Variants in INPP4B observed in about 807,000 individuals in gnomAD.
The protein encoded by INPP4B is inositol polyphosphate 4-phosphatase type II.
A neutral mutation model predicts 122.5 loss-of-function variants in INPP4B; 55 were observed. The ratio of observed to expected loss-of-function variants is 0.45; its 90% CI spans 0.36 to 0.56. INPP4B has a LOEUF of 0.56. Ranked by LOEUF, INPP4B falls within the 20% of genes least tolerant of loss-of-function variation. The pLI, the probability that INPP4B is intolerant of heterozygous loss-of-function variation, is 0.00. For synonymous variants in INPP4B, 403 were observed against 388.7 expected (o/e 1.04, Z -0.43); for missense variants, 1,000 against 1,097.7 (o/e 0.91, Z 1.26).
At chr4:142,251,845 C>A (rs1299425296) in intron 11 of INPP4B, among the ~76,000 whole-genome samples, 1 of 152,170 alleles carries the variant, frequency 6.6e-6, no homozygotes, top group Non-Finnish European at 1.5e-5. Context: ...TTGTAAGCTG[C>A]TGAAGTTGTG....
At chr4:142,097,227 T>TTATG (rs1396314621) in intron 23 of INPP4B, among the ~76,000 whole-genome samples, 1 of 135,130 alleles carries the variant, frequency 7.4e-6, no homozygotes, top group Non-Finnish European at 1.6e-5. Flanking sequence ...TTATGTTATT[T>TTATG]TTATTTTATT....
chr4:142,243,507 C>A (rs1015684439), intron 11 of INPP4B, among the ~76,000 whole-genome samples: 3 of 152,296 alleles, frequency 2.0e-5, no homozygotes, highest in Middle Eastern at 3.4e-3. Flanking sequence ...TGAAAAGGAT[C>A]AAGGGCCAAT....
intron 2 of INPP4B, chr4:142,519,018 A>G (rs1360562881): frequency 6.6e-6 from 1 of 152,178 alleles, no homozygotes; most frequent in East Asian, 1.9e-4. Context: ...AAAGCAATAG[A>G]TAATTAAGAC....
intron 2 of INPP4B, among the ~76,000 whole-genome samples, chr4:142,668,941 G>T (rs1756568264): frequency 6.6e-6 from 1 of 152,044 alleles, no homozygotes; most frequent in Non-Finnish European, 1.5e-5. Flanking sequence ...TGTAGTCCCA[G>T]CTACTCAGGA....
chr4:142,706,141 A>G (rs765635612), intron 2 of INPP4B, among the ~76,000 whole-genome samples: 5 of 152,150 alleles, frequency 3.3e-5, no homozygotes, highest in Non-Finnish European at 7.3e-5. Context: ...AAACTTTGCA[A>G]ATGCAATTAT....
chr4:142,284,168 C>A (rs964603911), intron 9 of INPP4B, among the ~76,000 whole-genome samples: 3 of 151,854 alleles, frequency 2.0e-5, no homozygotes. Flanking sequence ...AGGAGGGAGG[C>A]AAAGTAGACA....
intron 2 of INPP4B, among the ~76,000 whole-genome samples, chr4:142,660,209 C>G (rs1357468110): frequency 2.0e-5 from 3 of 152,128 alleles, no homozygotes; most frequent in Non-Finnish European, 2.9e-5. Flanking sequence ...TTCATGGGTA[C>G]AAGCTGCTTT....
At chr4:142,118,212 T>C (rs139476616) in intron 21 of INPP4B, among the ~76,000 whole-genome samples, 20,483 of 152,160 alleles carry the variant, frequency 0.13, 1,559 homozygotes, top group East Asian at 0.24. Flanking sequence ...AAAATGGCCA[T>C]ACTGCCCAAG....
intron 2 of INPP4B, among the ~76,000 whole-genome samples, chr4:142,615,780 T>C (rs1034931696): frequency 6.6e-6 from 1 of 152,082 alleles, no homozygotes; most frequent in African/African-American, 2.4e-5. Context: ...CTTCAGTCAG[T>C]GGGGGACTTA....
chr4:142,275,707 C>G (rs1748054875), intron 9 of INPP4B, among the ~76,000 whole-genome samples: 1 of 151,768 alleles, frequency 6.6e-6, no homozygotes, highest in Non-Finnish European at 1.5e-5. Context: ...CCATATAATG[C>G]TTTCAAATTA....
At chr4:142,260,241 C>T (rs758584539) in intron 11 of INPP4B, among the ~76,000 whole-genome samples, 31 of 152,128 alleles carry the variant, frequency 2.0e-4, no homozygotes, top group Non-Finnish European at 4.4e-4. Flanking sequence ...GCCTCGGCCT[C>T]CCAAAGTGCT....
intron 15 of INPP4B, among the ~76,000 whole-genome samples, chr4:142,191,757 T>C (rs1835927152): frequency 6.6e-6 from 1 of 152,070 alleles, no homozygotes; most frequent in Non-Finnish European, 1.5e-5. Context: ...ACCCATGCAA[T>C]ATAATTTTAT....
At position 142,619,810 on chromosome 4, in the gene INPP4B, T is replaced by C. The variant is rs149583119; in HGVS notation, c.-191+106029A>G. Among the ~76,000 whole-genome samples, 15 of 152,038 alleles carry C rather than the reference T, an allele frequency of 9.9e-5. No individual in the cohort carries two copies. In the East Asian group the frequency reaches 2.5e-3, roughly 26 times the overall value. On this transcript the variant is annotated intron_variant, in intron 2 of 25. Coordinates refer to ENST00000262992, the MANE Select transcript of INPP4B (RefSeq NM_001101669.3). ...CCCAAAAGGAGAAATGAATATGAGA[T>C]TAGAGATTATATCTCAGGAGTGGAT... is the stretch of plus-strand genomic sequence containing the variant.
At chr4:142,623,529 T>C (rs1745465792) in intron 2 of INPP4B, among the ~76,000 whole-genome samples, 1 of 151,894 alleles carries the variant, frequency 6.6e-6, no homozygotes, top group Non-Finnish European at 1.5e-5. Flanking sequence ...AACATTTCCA[T>C]TCCTTGTTAT....
Position 142,464,171 on chromosome 4 carries a change from C to T in INPP4B, c.-190-1445G>A, listed in dbSNP as rs1290927712. Among the ~76,000 whole-genome samples the T allele has an allele frequency of 3.9e-5, 6 of 152,140 alleles. No homozygotes were observed. The East Asian group carries it at 1.2e-3, about 29-fold the overall frequency. ...ACTATATATCATGCTATTTATAAAA[C>T]AATTTACTATTATATATAATTCAAT... is the stretch of plus-strand genomic sequence containing the variant. On this transcript the variant is annotated intron_variant, in intron 2 of 25. Transcript: ENST00000262992.
At chr4:142,628,291 C>T (rs55745141) in intron 2 of INPP4B, among the ~76,000 whole-genome samples, 1 of 146,862 alleles carries the variant, frequency 6.8e-6, no homozygotes, top group Non-Finnish European at 1.5e-5. Flanking sequence ...AATCATCATT[C>T]TCAGTAAACT....
chr4:142,783,382 G>A (rs1219665848), intron 1 of INPP4B, among the ~76,000 whole-genome samples: 2 of 152,098 alleles, frequency 1.3e-5, no homozygotes, highest in East Asian at 3.9e-4. Flanking sequence ...CTCAAAAGAA[G>A]ACATTTATGC....
intron 7 of INPP4B, among the ~76,000 whole-genome samples, chr4:142,395,471 A>T (rs1166871379): frequency 6.6e-6 from 1 of 152,180 alleles, no homozygotes; most frequent in African/African-American, 2.4e-5. Context: ...AATAAAACAA[A>T]ATCCGAGAGT....
At chr4:142,068,201 T>A (rs1764769937) in intron 25 of INPP4B, among the ~76,000 whole-genome samples, 1 of 152,180 alleles carries the variant, frequency 6.6e-6, no homozygotes, top group South Asian at 2.1e-4. Flanking sequence ...AAAAGAATTT[T>A]CAACCCAGAA....
Sources: gnomAD v4.1 joint callset for allele counts (sites outside exome capture counted in the v4.1 genomes callset) on GRCh38, gnomAD v4.1.1 for gene constraint, MANE v1.5 for transcripts, NCBI Gene and HGNC (gene_info 2026-07-23, HGNC 2026-07-21) for gene names.